BRD7: variants seen among roughly 807,000 people sequenced by gnomAD.
The protein encoded by BRD7 is bromodomain containing 7, also known as bromodomain-containing protein 7.
Under a neutral mutation model 82.1 loss-of-function variants are expected in BRD7, and 15 were observed. That is an observed-to-expected ratio of 0.18 (90% CI 0.12 to 0.28). The LOEUF (loss-of-function observed/expected upper bound fraction) is 0.28. BRD7 is among the 10% of genes least tolerant of loss of function. The probability of loss-of-function intolerance (pLI) is 1.00; values close to 1 mark genes in which losing one functional copy is unlikely to be tolerated. For missense variants in BRD7, 638 were observed against 779.9 expected, an observed-to-expected ratio of 0.82 and a Z score of 2.17; for synonymous variants, 232 against 266.9, an observed-to-expected ratio of 0.87 and a Z score of 1.27.
chr16:50,344,622 A>C (rs564415478), intron 5 of BRD7, among the ~76,000 whole-genome samples: 2 of 152,352 alleles, frequency 1.3e-5, no homozygotes, highest in South Asian at 4.1e-4. Context: ...TGATGCATGC[A>C]CAAGTTTCAG....
rs1473752627 is a variant in BRD7, at chr16:50,341,214, A to G, written c.592-1128T>C. Among the ~76,000 whole-genome samples the G allele has an allele frequency of 2.1e-5, 3 of 140,070 alleles. No individual in the cohort carries two copies. In the East Asian group the frequency reaches 6.6e-4, roughly 31 times the overall value. 91.9% of individuals were successfully genotyped at this position (140,070 alleles called of 152,430 possible). On this transcript the variant is annotated intron_variant, in intron 5 of 16. Coordinates refer to ENST00000394688, the MANE Select transcript of BRD7 (RefSeq NM_013263.5). ...CACACACACACACACACACACACACACACACAGCTGAACACAAAAGTCTTC... is the reference window on the plus strand; with the variant it reads ...CACACACACACACACACACACACACGCACACAGCTGAACACAAAAGTCTTC...
chr16:50,330,365 G>C (rs4457991), intron 8 of BRD7, among the ~76,000 whole-genome samples: 1 of 139,628 alleles, frequency 7.2e-6, no homozygotes, highest in Non-Finnish European at 1.5e-5. Flanking sequence ...TTTTGAGACA[G>C]AGTCTCGCTC....
intron 2 of BRD7, among the ~76,000 whole-genome samples, chr16:50,364,218 C>T (rs2039049878): frequency 6.6e-6 from 1 of 152,186 alleles, no homozygotes; most frequent in South Asian, 2.1e-4. Flanking sequence ...TGTCCTCCAT[C>T]CAGCTCCATG....
intron 2 of BRD7, among the ~76,000 whole-genome samples, chr16:50,355,415 C>T (rs946256988): frequency 1.3e-5 from 2 of 152,084 alleles, no homozygotes; most frequent in Non-Finnish European, 2.9e-5. Flanking sequence ...ATTAAGAACA[C>T]AATAGTTTTG....
At chr16:50,344,016 A>G (rs934778257) in intron 5 of BRD7, among the ~76,000 whole-genome samples, 4 of 152,160 alleles carry the variant, frequency 2.6e-5, no homozygotes, top group Non-Finnish European at 5.9e-5. Context: ...ACCTCCCTGT[A>G]GGGGCCAACT....
chr16:50,322,953 A>C (rs1266557132), intron 12 of BRD7, among the ~76,000 whole-genome samples: 1 of 152,200 alleles, frequency 6.6e-6, no homozygotes, highest in Non-Finnish European at 1.5e-5. Flanking sequence ...TGAGCAGGGT[A>C]CCAGGCACTA....
chr16:50,329,072 C>T (rs540293359), intron 8 of BRD7, among the ~76,000 whole-genome samples: 4 of 152,208 alleles, frequency 2.6e-5, no homozygotes, highest in Middle Eastern at 3.4e-3. Flanking sequence ...TTTCAGATTT[C>T]GAATTTCTGG....
At chr16:50,364,237 A>G (rs921013542) in intron 2 of BRD7, among the ~76,000 whole-genome samples, 4 of 152,170 alleles carry the variant, frequency 2.6e-5, no homozygotes, top group African/African-American at 7.2e-5. Flanking sequence ...TGGAACTGAG[A>G]GAAGAGTCGC....
intron 4 of BRD7, among the ~76,000 whole-genome samples, chr16:50,350,871 C>T (rs111454855): frequency 1.7e-4 from 26 of 152,266 alleles, no homozygotes; most frequent in African/African-American, 3.1e-4. Flanking sequence ...GAAGACTCAG[C>T]CTAGACCCAC....
chr16:50,357,178 G>A (rs1284439496), intron 2 of BRD7, among the ~76,000 whole-genome samples: 1 of 152,324 alleles, frequency 6.6e-6, no homozygotes, highest in South Asian at 2.1e-4. Flanking sequence ...CTGATCTGCA[G>A]GTATGGGGTA....
intron 1 of BRD7, 142 bp from the exon 2 acceptor site, chr16:50,368,440 A>AC (rs1700881215): frequency 1.0e-6 from 1 of 960,406 alleles, no homozygotes; most frequent in East Asian, 2.7e-5. Context: ...TGAATGACGG[A>AC]CCCCGGCCCG....
rs1042806740 is a variant in BRD7, at chr16:50,328,640, G to A, written c.1087+29C>T. ...ACTGTTCTCTGCCAAATAGCATCAA[G>A]TTCATGCACAGTTTTACTCTGATCC... is the stretch of plus-strand genomic sequence containing the variant. On this transcript the variant is annotated intron_variant, in intron 9 of 16. Coordinates refer to ENST00000394688, the MANE Select transcript of BRD7 (RefSeq NM_013263.5). The A allele has an allele frequency of 5.7e-6, 9 of 1,590,844 alleles. No homozygotes were observed. The African/African-American group carries it at 1.2e-4, about 21-fold the overall frequency.
At chr16:50,360,977 C>T (rs1332001783) in intron 2 of BRD7, among the ~76,000 whole-genome samples, 1 of 152,192 alleles carries the variant, frequency 6.6e-6, no homozygotes, top group Non-Finnish European at 1.5e-5. Context: ...TGGCACAAGT[C>T]AATGAACTGT....
At chr16:50,325,314 T>G (rs1356319090) in intron 11 of BRD7, among the ~76,000 whole-genome samples, 1 of 152,138 alleles carries the variant, frequency 6.6e-6, no homozygotes, top group Non-Finnish European at 1.5e-5. Context: ...TCAAAAAGGC[T>G]TTTATGTGGG....
chr16:50,320,489 C>G, intron 14 of BRD7, 98 bp from the exon 15 acceptor site: 2 of 1,529,176 alleles, frequency 1.3e-6, no homozygotes. Context: ...AGCCTTCTCC[C>G]TTCAAAAGAG....
chr16:50,333,116 G>A lies in BRD7; in HGVS notation c.1011+458C>T, dbSNP rs80041905. Among the ~76,000 whole-genome samples the A allele has an allele frequency of 5.9e-3, 895 of 152,264 alleles. 6 individuals carry two copies. The highest frequency in any genetic ancestry group is 0.02 in the African/African-American group (851 of 41,552). On this transcript the variant is annotated intron_variant, in intron 8 of 16. Transcript: ENST00000394688. ...ATACCCACGTAACAAAATGGTGTAT[G>A]TACCCCTTGAATCTAAAATTAAATA...
At chr16:50,321,318 C>T (rs200767707) in intron 13 of BRD7, among the ~76,000 whole-genome samples, 3 of 152,094 alleles carry the variant, frequency 2.0e-5, no homozygotes, top group South Asian at 4.2e-4. Context: ...CCCAGGACTT[C>T]GGGAGGCCGA....
At chr16:50,335,677 A>G (rs1226638402) in intron 6 of BRD7, among the ~76,000 whole-genome samples, 1 of 152,222 alleles carries the variant, frequency 6.6e-6, no homozygotes, top group Non-Finnish European at 1.5e-5. Flanking sequence ...TCTGTGGAGT[A>G]ACATAAACTA....
At chr16:50,335,727 C>A (rs368127100) in intron 6 of BRD7, among the ~76,000 whole-genome samples, 3 of 152,178 alleles carry the variant, frequency 2.0e-5, no homozygotes, top group Non-Finnish European at 4.4e-5. Flanking sequence ...ACAAGAACAA[C>A]GCAGCCCAGG....
Sources: allele counts gnomAD v4.1 joint callset (sites outside exome capture counted in the v4.1 genomes callset), GRCh38; gene constraint gnomAD v4.1.1; transcripts MANE v1.5; gene names NCBI Gene and HGNC (gene_info 2026-07-23, HGNC 2026-07-21).